Variants in FBXL4 observed in about 807,000 individuals in gnomAD.
The protein encoded by FBXL4 is F-box/LRR-repeat protein 4.
A neutral mutation model predicts 58.9 loss-of-function variants in FBXL4; 40 were observed. The observed-to-expected ratio is 0.68, with a 90% CI of 0.53 to 0.88. The LOEUF is 0.88. Among genes scored for constraint, FBXL4 ranks in the 40% least tolerant of loss-of-function variants. The pLI is 0.00. For missense variants in FBXL4, 676 were observed against 734.4 expected (o/e 0.92, Z 0.92); for synonymous variants, 263 against 265.5 (o/e 0.99, Z 0.09).
chr6:98,878,218 C>T (rs576280456), intron 8 of FBXL4, among the ~76,000 whole-genome samples: 15 of 152,290 alleles, frequency 9.8e-5, no homozygotes, highest in Admixed American at 7.2e-4. Flanking sequence ...ATAAATATCA[C>T]AAATCTAAAC....
At chr6:98,880,732 C>T in intron 7 of FBXL4, 108 bp from the exon 8 acceptor site, 1 of 899,270 alleles carries the variant, frequency 1.1e-6, no homozygotes, top group Non-Finnish European at 1.8e-6. Context: ...TCCTGAAATG[C>T]AGCTCAAAAG....
Position 98,875,413 on chromosome 6 carries a change from A to C in FBXL4, c.1702+2T>G, listed in dbSNP as rs1339292044. 2 of 1,612,902 alleles carry C rather than the reference A, an allele frequency of 1.2e-6. No individual in the cohort carries two copies. The highest frequency in any genetic ancestry group is 1.7e-6 in the Non-Finnish European group (2 of 1,179,026). On this transcript the variant is annotated splice_donor_variant, in intron 9 of 9. Coordinates refer to ENST00000369244, the MANE Select transcript of FBXL4 (RefSeq NM_001278716.2). LOFTEE classifies it high-confidence loss of function. ...AAACAAATTTATATATTGTAACCTT[A>C]CCTAATATGTCCAGCTGCTGTAACC...
rs556558738 is a variant in FBXL4 at position 98,946,777 on chromosome 6, T to C, written c.-309+1029A>G. ...AATCCAATTCAAGGAACTTTTAGAG[T>C]GCCTACTAAAGCATAATGCACATTT... On this transcript the variant is annotated intron_variant, in intron 1 of 9. Transcript: ENST00000369244. 5.3e-5 allele frequency among the ~76,000 whole-genome samples: 8 copies of C among 152,240 alleles called. No homozygotes were observed. In the East Asian group the frequency reaches 1.5e-3, roughly 29 times the overall value.
chr6:98,906,445 G>A (rs189778013), intron 5 of FBXL4, among the ~76,000 whole-genome samples: 17 of 151,676 alleles, frequency 1.1e-4, no homozygotes, highest in African/African-American at 3.9e-4. Flanking sequence ...TCCTGTGTTA[G>A]TTTGCTGAGA....
At position 98,869,183 on chromosome 6, in the gene FBXL4, G is replaced by C. The variant is rs561377393; in HGVS notation, c.*5095C>G. The C allele has an allele frequency of 2.0e-5, 3 of 152,168 alleles. No homozygotes were observed. Among genetic ancestry groups the C allele is most frequent in the Non-Finnish European group, 4.4e-5 (3 of 68,022 alleles). 9.4% of individuals were successfully genotyped at this position (152,168 alleles called of 1,614,324 possible). On this transcript the variant is annotated 3_prime_UTR_variant, in exon 10 of 10. Coordinates refer to ENST00000369244, the MANE Select transcript of FBXL4 (RefSeq NM_001278716.2). Reference sequence around the variant, plus strand: ...CAAGATTTTAAGGGTAGTTAAAAAAGTTTCTCTGAAGTATCAATATCAAAT... The same window carrying C: ...CAAGATTTTAAGGGTAGTTAAAAAACTTTCTCTGAAGTATCAATATCAAAT...
chr6:98,925,429 T>C (rs768435740), intron 4 of FBXL4, among the ~76,000 whole-genome samples: 9 of 152,176 alleles, frequency 5.9e-5, no homozygotes, highest in Non-Finnish European at 7.3e-5. Context: ...ATGTTAAACA[T>C]TACAAAATTA....
chr6:98,916,461 T>A (rs1305252049), intron 5 of FBXL4, among the ~76,000 whole-genome samples: 3 of 151,570 alleles, frequency 2.0e-5, no homozygotes, highest in African/African-American at 4.8e-5. Flanking sequence ...ATGTGGCACA[T>A]ATACACCATG....
At chr6:98,924,258 C>T (rs1772688941) in intron 4 of FBXL4, among the ~76,000 whole-genome samples, 1 of 152,096 alleles carries the variant, frequency 6.6e-6, no homozygotes, top group African/African-American at 2.4e-5. Flanking sequence ...AAACAATTCT[C>T]ATATAAGAAA....
intron 7 of FBXL4, chr6:98,898,312 G>A: frequency 4.1e-6 from 4 of 985,368 alleles, no homozygotes; most frequent in Non-Finnish European, 4.8e-6. Flanking sequence ...ATGACAAACA[G>A]TATGTACTAC....
intron 4 of FBXL4, among the ~76,000 whole-genome samples, chr6:98,925,166 GAGAT>G (rs1582436764): frequency 6.6e-6 from 1 of 152,144 alleles, no homozygotes; most frequent in African/African-American, 2.4e-5. Context: ...TTCAACCTCA[GAGAT>G]AATAAAAGAA....
At chr6:98,924,792 G>A (rs1772712989) in intron 4 of FBXL4, among the ~76,000 whole-genome samples, 1 of 152,202 alleles carries the variant, frequency 6.6e-6, no homozygotes, top group African/African-American at 2.4e-5. Context: ...GAGATGAGGG[G>A]ACAGAGATAT....
Position 98,938,356 on chromosome 6 carries a change from G to C in FBXL4, c.-308-3477C>G, listed in dbSNP as rs547307640. On this transcript the variant is annotated intron_variant, in intron 1 of 9. Transcript: ENST00000369244. ...ATCTGGAGGCTGAATTAGGGACATT[G>C]CATTTGGGGACATGTGGAATATACT... Among the ~76,000 whole-genome samples the C allele has an allele frequency of 2.9e-3, 448 of 152,184 alleles. 2 individuals are homozygous for C. Among genetic ancestry groups the C allele is most frequent in the Non-Finnish European group, 3.1e-3 (212 of 68,004 alleles).
chr6:98,891,558 A>G (rs564769938), intron 7 of FBXL4, among the ~76,000 whole-genome samples: 1 of 152,034 alleles, frequency 6.6e-6, no homozygotes, highest in Non-Finnish European at 1.5e-5. Flanking sequence ...ATCAATTTGC[A>G]TAACAACCTA....
chr6:98,889,813 C>T lies in FBXL4; in HGVS notation c.1318-9189G>A, dbSNP rs532463870. On this transcript the variant is annotated intron_variant, in intron 7 of 9. Coordinates refer to ENST00000369244, the MANE Select transcript of FBXL4 (RefSeq NM_001278716.2). ...CAGTTATAAAGAATTATTATTAATGCCTTTACTTGTTAAGAAGAAATTTAT... is the reference window on the plus strand; with the variant it reads ...CAGTTATAAAGAATTATTATTAATGTCTTTACTTGTTAAGAAGAAATTTAT... 1.2e-4 allele frequency among the ~76,000 whole-genome samples: 18 copies of T among 151,884 alleles called. No homozygotes were observed. In the South Asian group the frequency reaches 2.9e-3, roughly 25 times the overall value.
intron 1 of FBXL4, among the ~76,000 whole-genome samples, chr6:98,937,263 T>C (rs1397271707): frequency 6.6e-6 from 1 of 151,948 alleles, no homozygotes; most frequent in Non-Finnish European, 1.5e-5. Context: ...TGAGCCGAGA[T>C]TGTGCCACTG....
intron 7 of FBXL4, chr6:98,897,082 T>C (rs1161434929): frequency 2.0e-6 from 2 of 983,430 alleles, no homozygotes; most frequent in East Asian, 1.1e-4. Flanking sequence ...ACCCTATTTT[T>C]CTTCTCAAAG....
chr6:98,937,868 T>G (rs879306779), intron 1 of FBXL4, among the ~76,000 whole-genome samples: 4 of 152,192 alleles, frequency 2.6e-5, no homozygotes, highest in Non-Finnish European at 5.9e-5. Context: ...AATGTCAATT[T>G]GTTTTCTGGC....
intron 1 of FBXL4, among the ~76,000 whole-genome samples, chr6:98,947,061 A>T (rs1425278098): frequency 6.6e-6 from 1 of 152,226 alleles, no homozygotes; most frequent in African/African-American, 2.4e-5. Context: ...TGCCCTCCGG[A>T]GCACAAAGCC....
chr6:98,916,926 GA>G (rs1328192277), intron 5 of FBXL4, among the ~76,000 whole-genome samples: 2 of 149,630 alleles, frequency 1.3e-5, no homozygotes, highest in Admixed American at 1.3e-4. Context: ...AGTTAGTATA[GA>G]AAAAAAATGA....
Sources: allele counts gnomAD v4.1 joint callset (sites outside exome capture counted in the v4.1 genomes callset), GRCh38; gene constraint gnomAD v4.1.1; transcripts MANE v1.5; gene names NCBI Gene and HGNC (gene_info 2026-07-23, HGNC 2026-07-21).